The following NSUN4 variants were observed in gnomAD, a reference collection of about 807,000 sequenced individuals.
The protein encoded by NSUN4 is 5-cytosine rRNA methyltransferase NSUN4.
NSUN4 carries 31 observed loss-of-function variants against 43.8 expected under a neutral mutation model. The ratio of observed to expected loss-of-function variants is 0.71; its 90% CI spans 0.53 to 0.96. NSUN4 has a LOEUF of 0.96. Among genes scored for constraint, NSUN4 ranks in the 40% least tolerant of loss-of-function variants. The pLI is 0.00. For synonymous variants in NSUN4, 167 were observed against 184.1 expected (o/e 0.91, Z 0.75); for missense variants, 439 against 475.6 (o/e 0.92, Z 0.72).
At chr1:46,375,187 A>G in the NSUN4 span, among the ~76,000 whole-genome samples, 1 of 151,502 alleles carries the variant, frequency 6.6e-6, no homozygotes, top group African/African-American at 2.4e-5. Flanking sequence ...CGTAATCCCA[A>G]CACTTTGGGT....
chr1:46,369,923 A>G (rs1664210082), downstream of NSUN4, among the ~76,000 whole-genome samples: 1 of 152,254 alleles, frequency 6.6e-6, no homozygotes, highest in Non-Finnish European at 1.5e-5. Context: ...TATGATTATC[A>G]GAATTTACTG....
At position 46,347,043 on chromosome 1, in the gene NSUN4, A is replaced by G. The variant is rs1557737950; in HGVS notation, c.560A>G (p.Lys187Arg). The G allele has an allele frequency of 6.2e-7, 1 of 1,614,170 alleles. No individual in the cohort carries two copies. The highest frequency in any genetic ancestry group is 1.7e-5 in the Admixed American group (1 of 60,026). The change falls in exon 3 of 6, where the codon AAG becomes AGG. Residue 187 changes from lysine (K) to arginine (R), a missense_variant. Lys to Arg is a conservative substitution (Grantham distance 26, BLOSUM62 2). Coordinates refer to ENST00000474844, the MANE Select transcript of NSUN4 (RefSeq NM_199044.4). Reference protein sequence around the residue: ...VLDLCAAPGGKTLALLQTGCC... With the variant: ...VLDLCAAPGGRTLALLQTGCC... ...GACCTATGTGCAGCTCCTGGGGGAA[A>G]GACACTAGCGTTGCTTCAGACTGGC...
chr1:46,352,199 C>A (rs1168536702), intron 3 of NSUN4, among the ~76,000 whole-genome samples: 1 of 150,690 alleles, frequency 6.6e-6, no homozygotes, highest in Admixed American at 6.6e-5. Flanking sequence ...ACCTGTAATC[C>A]TAGCACTTTG....
At chr1:46,360,250 A>AAAAAAAAAAAATATATATATC (rs1663758541) in intron 4 of NSUN4, among the ~76,000 whole-genome samples, 1 of 18,842 alleles carries the variant, frequency 5.3e-5, no homozygotes, top group Non-Finnish European at 9.4e-5. Flanking sequence ...AAAAAAAAAA[A>AAAAAAAAAAAATATATATATC]TATATATATA....
chr1:46,370,858 CACAG>C, the NSUN4 span: 2 of 152,576 alleles, frequency 1.3e-5, no homozygotes, highest in East Asian at 1.9e-4. Flanking sequence ...TTCCGGGACA[CACAG>C]ACAGATCAAG....
At chr1:46,354,994 G>A (rs1663268862) in intron 4 of NSUN4, among the ~76,000 whole-genome samples, 1 of 152,158 alleles carries the variant, frequency 6.6e-6, no homozygotes, top group African/African-American at 2.4e-5. Flanking sequence ...TGATATGAGA[G>A]CAGTGGAACA....
At chr1:46,341,747 C>CCCTG (rs1189961171) in intron 1 of NSUN4, 1 of 1,231,756 alleles carries the variant, frequency 8.1e-7, no homozygotes, top group Non-Finnish European at 1.0e-6. Flanking sequence ...ACTCGGGTTC[C>CCCTG]CCACTCTCCA....
intron 1 of NSUN4, chr1:46,341,771 G>T: frequency 8.1e-7 from 1 of 1,232,054 alleles, no homozygotes; most frequent in Non-Finnish European, 1.0e-6. Flanking sequence ...CTTATTTTGA[G>T]CAGTTCAGCA....
chr1:46,345,031 G>A lies in NSUN4; in HGVS notation c.324G>A (p.Leu108=). The change falls in exon 2 of 6, where the codon CTG becomes CTA. Residue 108 remains leucine, a synonymous_variant. Transcript: ENST00000474844. ...FVNEAISHWE[L]QSEGGQSAAP... ...ATGAAGCCATCTCCCACTGGGAACT[G>A]CAGTCTGAGGGTGGCCAATCTGCAG... The A allele has an allele frequency of 6.2e-7, 1 of 1,614,186 alleles. No individual in the cohort carries two copies. Among genetic ancestry groups the A allele is most frequent in the Non-Finnish European group, 8.5e-7 (1 of 1,180,004 alleles).
chr1:46,359,288 T>C (rs190582538), intron 4 of NSUN4, among the ~76,000 whole-genome samples: 81 of 152,150 alleles, frequency 5.3e-4, no homozygotes, highest in African/African-American at 1.8e-3. Flanking sequence ...AAACTGGGAA[T>C]TTAGTTTTAC....
At chr1:46,384,131 C>G in the NSUN4 span, among the ~76,000 whole-genome samples, 1 of 152,064 alleles carries the variant, frequency 6.6e-6, no homozygotes, top group African/African-American at 2.4e-5. Context: ...TGGAATGAGT[C>G]AGGGTGGAGT....
the NSUN4 span, among the ~76,000 whole-genome samples, chr1:46,380,320 TGTGGGCAG>T: frequency 6.6e-6 from 1 of 152,224 alleles, no homozygotes; most frequent in Non-Finnish European, 1.5e-5. Flanking sequence ...CTAGAGGGGC[TGTGGGCAG>T]GAGTAACTCT....
chr1:46,341,445 C>A (rs72885163), intron 1 of NSUN4: 280,179 of 1,009,686 alleles, frequency 0.28, 40,551 homozygotes, highest in Non-Finnish European at 0.3. Context: ...GGCGACCGGG[C>A]AAGGTTACAG....
the NSUN4 span, among the ~76,000 whole-genome samples, chr1:46,377,039 C>T: frequency 2.9e-4 from 43 of 150,576 alleles, no homozygotes; most frequent in Admixed American, 5.3e-4. Context: ...GTTACAGGTG[C>T]GAGCCACTGC....
At chr1:46,350,939 G>C (rs371851917) in intron 3 of NSUN4, among the ~76,000 whole-genome samples, 2 of 152,218 alleles carry the variant, frequency 1.3e-5, no homozygotes, top group East Asian at 3.8e-4. Flanking sequence ...CAAGAGGAAA[G>C]GATTGGGCAA....
At chr1:46,348,618 A>C (rs1341386481) in intron 3 of NSUN4, among the ~76,000 whole-genome samples, 1 of 151,144 alleles carries the variant, frequency 6.6e-6, no homozygotes, top group Non-Finnish European at 1.5e-5. Flanking sequence ...CTGAGGCAGG[A>C]AAATCGCTTG....
intron 3 of NSUN4, among the ~76,000 whole-genome samples, chr1:46,351,233 G>A (rs778490210): frequency 4.6e-5 from 7 of 152,114 alleles, no homozygotes; most frequent in Non-Finnish European, 5.9e-5. Context: ...GCGTGGTGGC[G>A]CATGCCTGTA....
intron 2 of NSUN4, among the ~76,000 whole-genome samples, chr1:46,346,593 G>A (rs980321090): frequency 4.0e-5 from 6 of 151,094 alleles, no homozygotes; most frequent in South Asian, 2.1e-4. Flanking sequence ...GCATGGTGGC[G>A]GGCACCTGTA....
the NSUN4 span, among the ~76,000 whole-genome samples, chr1:46,376,712 A>G: frequency 4.0e-5 from 6 of 148,286 alleles, no homozygotes; most frequent in East Asian, 2.0e-4. Context: ...TTTAGAGAGC[A>G]TGTGTGTGTG....
Sources: allele counts gnomAD v4.1 joint callset (sites outside exome capture counted in the v4.1 genomes callset), GRCh38; gene constraint gnomAD v4.1.1; transcripts MANE v1.5; gene names NCBI Gene and HGNC (gene_info 2026-07-23, HGNC 2026-07-21).